RNF144A: variants seen among roughly 807,000 people sequenced by gnomAD.
RNF144A encodes ring finger protein 144A.
A neutral mutation model predicts 38.7 loss-of-function variants in RNF144A; 11 were observed. That is an observed-to-expected ratio of 0.28 (90% confidence interval 0.18 to 0.47). The LOEUF (loss-of-function observed/expected upper bound fraction) is 0.47, where lower values mean the gene tolerates loss of function less well. Ranked by LOEUF, RNF144A falls within the 20% of genes least tolerant of loss-of-function variation. The pLI, the probability that RNF144A is intolerant of heterozygous loss-of-function variation, is 0.99. For missense variants in RNF144A, 316 were observed against 377.2 expected (o/e 0.84, Z 1.34); for synonymous variants, 149 against 143.9 (o/e 1.04, Z -0.25).
In RNF144A at chr2:7,043,751, A is replaced by G. The variant is rs1315352314; in HGVS notation, c.*3991A>G. The G allele has an allele frequency of 9.1e-6, 9 of 985,710 alleles. No homozygotes were observed. Among genetic ancestry groups the G allele is most frequent in the Admixed American group, 6.2e-5 (1 of 16,260 alleles). The allele number at this position is 985,710 out of a possible 1,614,324, so 61.1% of individuals were successfully genotyped here. A position where few individuals can be genotyped will look rare whatever the true frequency, so the allele number is the denominator to read the frequency against. On this transcript the variant is annotated 3_prime_UTR_variant, in exon 9 of 9. Transcript: ENST00000320892. The stretch of plus-strand genomic sequence containing the variant: ...CTCCACCCTTCCTTTGATTTGTGCA[A>G]TTCTGTCTTCCACAGTTCCGGAGCC...
In RNF144A at chr2:7,041,500, C is replaced by T. The variant is rs191516561; in HGVS notation, c.*1740C>T. On this transcript the variant is annotated 3_prime_UTR_variant, in exon 9 of 9. Transcript: ENST00000320892. ...TAGTAACTCAGTAAGAACATGCCTG[C>T]GACTCCCTTTCTGGATGGAACCTGG... 9.5e-5 allele frequency: 94 copies of T among 985,992 alleles called. No homozygotes were observed. The highest frequency in any genetic ancestry group is 1.8e-4 in the Admixed American group (3 of 16,284). 61.1% of individuals were successfully genotyped at this position (985,992 alleles called of 1,614,324 possible). A position where few individuals can be genotyped will look rare whatever the true frequency, so the allele number is the denominator to read the frequency against.
At chr2:7,068,271 T>C in exon 7 of RNF144A, 1 of 1,299,814 alleles carries the variant, frequency 7.7e-7, no homozygotes, top group Non-Finnish European at 1.0e-6. Flanking sequence ...GAGTGTCATC[T>C]GTAAGAGGTG....
intron 5 of RNF144A, among the ~76,000 whole-genome samples, chr2:7,016,553 TAAA>T (rs35948851): frequency 2.0e-5 from 3 of 146,996 alleles, no homozygotes; most frequent in Admixed American, 6.8e-5. Flanking sequence ...TGGCTTCTGT[TAAA>T]AAAAAAAAAT....
At chr2:7,000,191 G>A (rs1275821238) in intron 3 of RNF144A, among the ~76,000 whole-genome samples, 2 of 152,342 alleles carry the variant, frequency 1.3e-5, no homozygotes, top group African/African-American at 4.8e-5. Context: ...TTGGGAGCTT[G>A]GGGATGATGA....
intron 6 of RNF144A, among the ~76,000 whole-genome samples, chr2:7,063,200 C>A (rs1248926954): frequency 1.6e-4 from 24 of 152,152 alleles, no homozygotes; most frequent in Admixed American, 1.6e-3. Context: ...TAACCACAGT[C>A]CTGGCAGTTT....
At position 6,941,319 on chromosome 2, in the gene RNF144A, A is replaced by G. The variant is rs1018870801; in HGVS notation, c.-12+172A>G. On this transcript the variant is annotated intron_variant, in intron 2 of 8. Coordinates refer to ENST00000320892, the MANE Select transcript of RNF144A (RefSeq NM_014746.6). This position sits in a 1 kb window ranked among gnomAD's most constrained non-coding sequence, Gnocchi z 6.5. Reference sequence around the variant, plus strand: ...AGTAGGTTTCCCCGGAATGAATTTTAAGATAGTGTTCAACACATTATTTTA... The same window carrying G: ...AGTAGGTTTCCCCGGAATGAATTTTGAGATAGTGTTCAACACATTATTTTA... Among the ~76,000 whole-genome samples, 10 of 152,236 alleles carry G rather than the reference A, an allele frequency of 6.6e-5. No homozygotes were observed. The highest frequency in any genetic ancestry group is 2.2e-4 in the African/African-American group (9 of 41,446).
At position 7,062,203 on chromosome 2, in the gene RNF144A, G is replaced by A. The variant is rs569279363; in HGVS notation, c.735-6013G>A. Reference sequence around the variant, plus strand: ...TGCAGTTTCTAATTAGGTTTGGCAGGAATTGTCTTCAGTGCAGCCTGAGCA... The same window carrying A: ...TGCAGTTTCTAATTAGGTTTGGCAGAAATTGTCTTCAGTGCAGCCTGAGCA... On this transcript the variant is annotated intron_variant, in intron 6 of 6. Transcript: ENST00000432850. 5.9e-5 allele frequency among the ~76,000 whole-genome samples: 9 copies of A among 152,268 alleles called. No individual in the cohort carries two copies. The East Asian group carries it at 1.5e-3, about 26-fold the overall frequency.
At chr2:7,003,206 C>T (rs1670226551) in intron 3 of RNF144A, among the ~76,000 whole-genome samples, 1 of 152,010 alleles carries the variant, frequency 6.6e-6, no homozygotes, top group Admixed American at 6.6e-5. Flanking sequence ...AAAAAAGTTA[C>T]AGGAAGCTAA....
In RNF144A at chr2:7,040,538, C is replaced by T. The variant is rs1330666666; in HGVS notation, c.*778C>T. 9 of 985,308 alleles carry T rather than the reference C, an allele frequency of 9.1e-6. No homozygotes were observed. The highest frequency in any genetic ancestry group is 4.7e-5 in the South Asian group (1 of 21,290). 61.0% of individuals were successfully genotyped at this position (985,308 alleles called of 1,614,324 possible). On this transcript the variant is annotated 3_prime_UTR_variant, in exon 9 of 9. Transcript: ENST00000320892. ...CATTAGATTTGCCTTTTGTTGTTTTCTCTCTTTGGTGATTCAGCTCAGCTC... is the reference window on the plus strand; with the variant it reads ...CATTAGATTTGCCTTTTGTTGTTTTTTCTCTTTGGTGATTCAGCTCAGCTC...
At chr2:6,937,119 G>A (rs1008941809) in intron 1 of RNF144A, among the ~76,000 whole-genome samples, 8 of 152,098 alleles carry the variant, frequency 5.3e-5, no homozygotes, top group African/African-American at 1.9e-4. Flanking sequence ...GAGTATTGAG[G>A]GACTGACCAC....
chr2:7,058,171 A>G (rs1036023054), intron 6 of RNF144A, among the ~76,000 whole-genome samples: 6 of 152,150 alleles, frequency 3.9e-5, no homozygotes, highest in African/African-American at 1.4e-4. Context: ...CACTCTGAGG[A>G]CCTAGGGACA....
chr2:7,057,249 T>G (rs1348234857), intron 6 of RNF144A, among the ~76,000 whole-genome samples: 1 of 152,224 alleles, frequency 6.6e-6, no homozygotes, highest in East Asian at 1.9e-4. Flanking sequence ...TATTGATGAT[T>G]AACCTGTTTT....
intron 2 of RNF144A, among the ~76,000 whole-genome samples, chr2:6,957,821 A>G (rs1396866267): frequency 1.3e-5 from 2 of 151,946 alleles, no homozygotes; most frequent in African/African-American, 4.8e-5. Flanking sequence ...GTTTCCTCCT[A>G]CCCCTTTTCC....
chr2:7,024,545 G>A (rs759274525), intron 7 of RNF144A, 29 bp downstream of exon 7: 14 of 1,581,044 alleles, frequency 8.9e-6, no homozygotes, highest in Non-Finnish European at 1.1e-5. Context: ...TTCACCTTGC[G>A]GCATTTAGCT....
chr2:6,981,847 AC>A (rs1668650391), intron 2 of RNF144A, among the ~76,000 whole-genome samples: 1 of 152,230 alleles, frequency 6.6e-6, no homozygotes, highest in African/African-American at 2.4e-5. Flanking sequence ...CTATAAAGAT[AC>A]TACCGGCCCA....
At chr2:7,071,600 G>C (rs1035794851), downstream of RNF144A, among the ~76,000 whole-genome samples, 1 of 152,206 alleles carries the variant, frequency 6.6e-6, no homozygotes, top group Non-Finnish European at 1.5e-5. Flanking sequence ...ATACCATTGT[G>C]GGTAAAGTAT....
intron 2 of RNF144A, among the ~76,000 whole-genome samples, chr2:6,955,782 ATT>A: frequency 6.6e-6 from 1 of 152,132 alleles, no homozygotes; most frequent in Non-Finnish European, 1.5e-5. Flanking sequence ...AAGAAGCCCC[ATT>A]TTAATGGCTG....
At chr2:6,928,085 C>G (rs1664989586) in intron 1 of RNF144A, among the ~76,000 whole-genome samples, 1 of 152,200 alleles carries the variant, frequency 6.6e-6, no homozygotes, top group Non-Finnish European at 1.5e-5. Flanking sequence ...ATGGTTCAGA[C>G]TCTTGTCCCA....
intron 3 of RNF144A, among the ~76,000 whole-genome samples, chr2:7,011,769 G>T (rs1291074982): frequency 6.6e-6 from 1 of 152,176 alleles, no homozygotes; most frequent in Non-Finnish European, 1.5e-5. Context: ...GAAAACCATA[G>T]CTTGTGAGTC....
Sources: allele counts gnomAD v4.1 joint callset (sites outside exome capture counted in the v4.1 genomes callset), GRCh38; gene constraint gnomAD v4.1.1; non-coding constraint Gnocchi (gnomAD v3.1); transcripts MANE v1.5; gene names NCBI Gene and HGNC (gene_info 2026-07-23, HGNC 2026-07-21).